The following NAV3 variants were observed in gnomAD, a reference collection of about 807,000 sequenced individuals.
NAV3 encodes neuron navigator 3.
A neutral mutation model predicts 244.7 loss-of-function variants in NAV3; 87 were observed. The observed-to-expected ratio is 0.36, with a 90% confidence interval of 0.30 to 0.42. The LOEUF (loss-of-function observed/expected upper bound fraction) is 0.42. NAV3 is among the 20% of genes least tolerant of loss of function. NAV3 has a pLI of 1.00. For synonymous variants in NAV3, 1,126 were observed against 1,042.2 expected (o/e 1.08, Z -1.55); for missense variants, 2,663 against 2,893.3 (o/e 0.92, Z 1.83).
chr12:77,780,340 C>T (rs1056930841), intron 2 of NAV3, among the ~76,000 whole-genome samples: 3 of 152,120 alleles, frequency 2.0e-5, no homozygotes, highest in African/African-American at 7.2e-5. Flanking sequence ...ATTTTAAGAA[C>T]CTCAATATGT....
chr12:77,632,680 T>C (rs532382094), intron 2 of NAV3, among the ~76,000 whole-genome samples: 1 of 152,228 alleles, frequency 6.6e-6, no homozygotes, highest in East Asian at 1.9e-4. Flanking sequence ...CTATCTTTAC[T>C]GGGTAAGTCA....
In NAV3 at chr12:78,049,925, C is replaced by G. The variant is rs1017285481; in HGVS notation, c.2024-68C>G. 6.4e-5 allele frequency: 62 copies of G among 975,816 alleles called. No individual in the cohort carries two copies. The South Asian group carries it at 9.3e-4, about 15-fold the overall frequency. The allele number at this position is 975,816 out of a possible 1,614,324, so 60.4% of individuals were successfully genotyped here. On this transcript the variant is annotated intron_variant, in intron 9 of 39. Coordinates refer to ENST00000397909, the MANE Select transcript of NAV3 (RefSeq NM_001024383.2). ...TTTTAAGAAGAGGTGACTTAATTAT[C>G]TAGGTATACAATTATTTTGAGGATA...
At chr12:77,835,091 A>T (rs923836774) in intron 1 of NAV3, among the ~76,000 whole-genome samples, 1 of 152,188 alleles carries the variant, frequency 6.6e-6, no homozygotes, top group African/African-American at 2.4e-5. Context: ...GTTGTCAGGG[A>T]ACCAGGCTCT....
chr12:78,142,723 ATGTGTGTG>A (rs34539948), intron 20 of NAV3, among the ~76,000 whole-genome samples: 2 of 106,234 alleles, frequency 1.9e-5, no homozygotes, highest in African/African-American at 6.4e-5. Context: ...ATACATATAT[ATGTGTGTG>A]TGTGTGTATA....
chr12:77,713,246 G>A (rs566876063), intron 2 of NAV3, among the ~76,000 whole-genome samples: 57 of 152,082 alleles, frequency 3.7e-4, no homozygotes, highest in Non-Finnish European at 5.1e-4. Flanking sequence ...ATGTGTACTG[G>A]CTTCTGATTT....
chr12:77,822,893 T>C (rs1872805522), intron 2 of NAV3, among the ~76,000 whole-genome samples: 1 of 152,034 alleles, frequency 6.6e-6, no homozygotes, highest in Admixed American at 6.6e-5. Context: ...TCAGAATGGA[T>C]TGGAAAAAAA....
At chr12:77,678,243 A>G (rs117141288) in intron 2 of NAV3, among the ~76,000 whole-genome samples, 2,212 of 152,334 alleles carry the variant, frequency 0.015, 24 homozygotes, top group Middle Eastern at 0.068. Context: ...TTAAAAATGT[A>G]TAACCAATCT....
chr12:78,092,791 C>T (rs1453986906), intron 12 of NAV3, among the ~76,000 whole-genome samples: 1 of 152,118 alleles, frequency 6.6e-6, no homozygotes, highest in Admixed American at 6.5e-5. Context: ...TGAGCCACCG[C>T]GCCCGGCCGT....
At chr12:77,790,225 G>T (rs1171533164) in intron 2 of NAV3, among the ~76,000 whole-genome samples, 1 of 152,042 alleles carries the variant, frequency 6.6e-6, no homozygotes, top group Non-Finnish European at 1.5e-5. Context: ...ATGCACAGTG[G>T]GCATATGCCA....
intron 1 of NAV3, among the ~76,000 whole-genome samples, chr12:77,875,349 G>T (rs1435431411): frequency 5.9e-5 from 9 of 151,720 alleles, no homozygotes; most frequent in African/African-American, 2.2e-4. Flanking sequence ...TCTTCAAAAA[G>T]GTCTTCTCTT....
chr12:77,662,255 A>ATCTATCTG (rs1555191954), intron 2 of NAV3, among the ~76,000 whole-genome samples: 36 of 151,450 alleles, frequency 2.4e-4, no homozygotes, highest in African/African-American at 7.8e-4. Flanking sequence ...CTATCTATCT[A>ATCTATCTG]TCTATCTATA....
intron 2 of NAV3, among the ~76,000 whole-genome samples, chr12:77,761,855 G>A (rs1197564604): frequency 6.6e-6 from 1 of 152,202 alleles, no homozygotes; most frequent in Non-Finnish European, 1.5e-5. Context: ...TAACCATTGT[G>A]AAAGACAGGA....
intron 2 of NAV3, among the ~76,000 whole-genome samples, chr12:77,612,983 A>T (rs1257122500): frequency 3.9e-5 from 6 of 151,970 alleles, no homozygotes; most frequent in African/African-American, 1.5e-4. Flanking sequence ...GTGAAGAAGG[A>T]TGTATTTACT....
intron 2 of NAV3, among the ~76,000 whole-genome samples, chr12:77,720,153 GTT>G (rs1490620618): frequency 4.3e-5 from 2 of 46,726 alleles, no homozygotes; most frequent in Admixed American, 6.8e-4. Context: ...CTTTACTTGA[GTT>G]TCTCTCTCTC....
At chr12:77,786,720 G>A (rs904913246) in intron 2 of NAV3, among the ~76,000 whole-genome samples, 6 of 152,122 alleles carry the variant, frequency 3.9e-5, no homozygotes, top group East Asian at 1.9e-4. Context: ...GTTTTAAATC[G>A]CCCTCTTTTC....
intron 2 of NAV3, among the ~76,000 whole-genome samples, chr12:77,679,073 G>T (rs1874333481): frequency 6.6e-6 from 1 of 152,060 alleles, no homozygotes; most frequent in Non-Finnish European, 1.5e-5. Context: ...TCTACTTTAG[G>T]CATAGTCTAC....
chr12:77,811,903 T>C (rs754480313), intron 2 of NAV3, among the ~76,000 whole-genome samples: 1 of 152,228 alleles, frequency 6.6e-6, no homozygotes, highest in Non-Finnish European at 1.5e-5. Flanking sequence ...CAACTCAAAC[T>C]AGTTCCCATT....
At chr12:77,628,357 C>G (rs2136905868) in intron 2 of NAV3, among the ~76,000 whole-genome samples, 1 of 152,028 alleles carries the variant, frequency 6.6e-6, no homozygotes, top group South Asian at 2.1e-4. Flanking sequence ...GCTTCAATAA[C>G]CCATGAACTA....
chr12:77,924,468 G>A (rs1888002107), intron 1 of NAV3, among the ~76,000 whole-genome samples: 1 of 152,100 alleles, frequency 6.6e-6, no homozygotes, highest in Admixed American at 6.6e-5. Context: ...CAGTGAAAAT[G>A]TAATAGGTTC....
Sources: allele counts gnomAD v4.1 joint callset (sites outside exome capture counted in the v4.1 genomes callset), GRCh38; gene constraint gnomAD v4.1.1; transcripts MANE v1.5; gene names NCBI Gene and HGNC (gene_info 2026-07-23, HGNC 2026-07-21).